The following DCC variants were observed in gnomAD, a reference collection of about 807,000 sequenced individuals.
DCC encodes netrin receptor DCC.
DCC carries 58 observed loss-of-function variants against 172.5 expected under a neutral mutation model. The observed-to-expected ratio is 0.34, with a 90% CI of 0.27 to 0.42. The LOEUF is 0.42. Among genes scored for constraint, DCC ranks in the 10% least tolerant of loss-of-function variants. DCC has a pLI of 1.00. For synonymous variants in DCC, 709 were observed against 644.5 expected (o/e 1.10, Z -1.52); for missense variants, 1,740 against 1,791.0 (o/e 0.97, Z 0.51).
chr18:53,175,859 T>C (rs530813622), intron 8 of DCC, among the ~76,000 whole-genome samples: 2,268 of 152,124 alleles, frequency 0.015, 45 homozygotes, highest in African/African-American at 0.051. Context: ...AAAAAGAGCC[T>C]GCATTGCCAA....
chr18:53,302,209 A>T (rs1345523017), intron 12 of DCC, among the ~76,000 whole-genome samples: 1 of 152,110 alleles, frequency 6.6e-6, no homozygotes, highest in Non-Finnish European at 1.5e-5. Flanking sequence ...TTCTTCTAAG[A>T]TACAGGAGTA....
chr18:53,426,919 G>A (rs1028985333), intron 21 of DCC, among the ~76,000 whole-genome samples: 3 of 152,098 alleles, frequency 2.0e-5, no homozygotes, highest in Admixed American at 6.6e-5. Context: ...GACTGCAGCT[G>A]CAACTTCCAG....
intron 1 of DCC, among the ~76,000 whole-genome samples, chr18:52,649,626 C>A (rs960924258): frequency 1.3e-5 from 2 of 152,074 alleles, no homozygotes; most frequent in African/African-American, 4.8e-5. Context: ...CATGTGTACA[C>A]ATTATTTAGC....
intron 1 of DCC, among the ~76,000 whole-genome samples, chr18:52,500,282 C>T (rs720815): frequency 0.024 from 3,706 of 152,084 alleles, 138 homozygotes; most frequent in Admixed American, 0.091. Context: ...GGAGCAAGGA[C>T]GCGTGTAAAG....
chr18:53,346,670 T>C (rs1465544513), intron 15 of DCC, among the ~76,000 whole-genome samples: 1 of 152,194 alleles, frequency 6.6e-6, no homozygotes, highest in Non-Finnish European at 1.5e-5. Context: ...GTTGAGATTT[T>C]CTATACTCCT....
At chr18:53,473,602 C>T (rs1298406670) in intron 25 of DCC, among the ~76,000 whole-genome samples, 2 of 152,034 alleles carry the variant, frequency 1.3e-5, no homozygotes. Context: ...AAATACCTTG[C>T]TAATTATTAT....
chr18:53,403,039 C>G, intron 19 of DCC, 146 bp downstream of exon 19: 1 of 669,994 alleles, frequency 1.5e-6, no homozygotes, highest in South Asian at 1.5e-5. Context: ...ATTGTTTCTT[C>G]TTTCCCCTTT....
At chr18:53,245,477 A>G (rs1052127918) in intron 12 of DCC, among the ~76,000 whole-genome samples, 1 of 152,078 alleles carries the variant, frequency 6.6e-6, no homozygotes, top group Non-Finnish European at 1.5e-5. Flanking sequence ...TATGTTGGTA[A>G]TGTACTTGGA....
chr18:53,417,284 T>C (rs1463223493), intron 21 of DCC, among the ~76,000 whole-genome samples: 1 of 152,236 alleles, frequency 6.6e-6, no homozygotes, highest in Admixed American at 6.5e-5. Context: ...CGATGTATAC[T>C]ATGCAGCTGC....
At chr18:53,281,195 T>C (rs1446705579) in intron 12 of DCC, among the ~76,000 whole-genome samples, 1 of 152,180 alleles carries the variant, frequency 6.6e-6, no homozygotes, top group African/African-American at 2.4e-5. Context: ...TAAATATAGC[T>C]ACAAAACAGT....
chr18:52,421,335 G>A (rs954482753), intron 1 of DCC, among the ~76,000 whole-genome samples: 3 of 152,156 alleles, frequency 2.0e-5, no homozygotes, highest in Non-Finnish European at 4.4e-5. Flanking sequence ...GAGGTGTCAG[G>A]GATAACGATG....
At chr18:52,902,173 T>C (rs186148994) in intron 2 of DCC, among the ~76,000 whole-genome samples, 109 of 152,244 alleles carry the variant, frequency 7.2e-4, no homozygotes, top group South Asian at 5.0e-3. Context: ...TTGTGGAAAA[T>C]GAACCTGAAA....
chr18:52,779,488 CT>C lies in DCC; in HGVS notation c.412+27120del, dbSNP rs200403111. On this transcript the variant is annotated intron_variant, in intron 2 of 28. Transcript: ENST00000442544. ...GTCCCTGCAAGGACATGAACTCATCCTTTTTTATGGCTATATAGTATTCCAT... is the reference window on the plus strand; with the variant it reads ...GTCCCTGCAAGGACATGAACTCATCCTTTTTATGGCTATATAGTATTCCAT... 6.6e-3 allele frequency among the ~76,000 whole-genome samples: 1,003 copies of C among 152,196 alleles called. 14 individuals are homozygous for C. The highest frequency in any genetic ancestry group is 0.023 in the African/African-American group (936 of 41,498).
At chr18:52,991,248 A>G (rs2041385247) in intron 5 of DCC, among the ~76,000 whole-genome samples, 1 of 152,020 alleles carries the variant, frequency 6.6e-6, no homozygotes, top group Non-Finnish European at 1.5e-5. Flanking sequence ...ACCTAGTCTA[A>G]TTTTTTTAAA....
intron 2 of DCC, among the ~76,000 whole-genome samples, chr18:52,832,409 A>G (rs536200817): frequency 8.7e-5 from 13 of 150,262 alleles, no homozygotes; most frequent in Admixed American, 7.4e-4. Context: ...AATTAGGATT[A>G]TAAATAATAC....
At chr18:52,379,230 T>G (rs866856810) in intron 1 of DCC, among the ~76,000 whole-genome samples, 1 of 151,578 alleles carries the variant, frequency 6.6e-6, no homozygotes, top group Non-Finnish European at 1.5e-5. Context: ...ATGATGACCT[T>G]GCTACAAAAG....
chr18:53,161,769 G>A (rs777403569), intron 8 of DCC, among the ~76,000 whole-genome samples: 13 of 151,944 alleles, frequency 8.6e-5, no homozygotes, highest in South Asian at 2.1e-4. Flanking sequence ...TTCATAGCTC[G>A]TAGTTAATTT....
intron 5 of DCC, chr18:52,931,729 A>G (rs1234225378): frequency 6.6e-6 from 1 of 152,090 alleles, no homozygotes; most frequent in African/African-American, 2.4e-5. Context: ...TAAAATATAA[A>G]TAAGTTCATA....
intron 2 of DCC, among the ~76,000 whole-genome samples, chr18:52,814,113 T>C (rs772773569): frequency 6.6e-6 from 1 of 152,242 alleles, no homozygotes; most frequent in Non-Finnish European, 1.5e-5. Context: ...GTGTACCCTG[T>C]TCTTTCATTC....
Sources: gnomAD v4.1 joint callset for allele counts (sites outside exome capture counted in the v4.1 genomes callset) on GRCh38, gnomAD v4.1.1 for gene constraint, MANE v1.5 for transcripts, NCBI Gene and HGNC (gene_info 2026-07-23, HGNC 2026-07-21) for gene names.